SLC44A1: variants seen among roughly 807,000 people sequenced by gnomAD.
SLC44A1 encodes solute carrier family 44 member 1.
A neutral mutation model predicts 79.3 loss-of-function variants in SLC44A1; 26 were observed. That is an observed-to-expected ratio of 0.33 (90% CI 0.24 to 0.46). SLC44A1 has a LOEUF of 0.46. Among genes scored for constraint, SLC44A1 ranks in the 20% least tolerant of loss-of-function variants. The probability of loss-of-function intolerance (pLI) is 1.00; values close to 1 mark genes in which losing one functional copy is unlikely to be tolerated. For missense variants in SLC44A1, 688 were observed against 798.1 expected, an observed-to-expected ratio of 0.86 and a Z score of 1.66; for synonymous variants, 263 against 286.2, an observed-to-expected ratio of 0.92 and a Z score of 0.82.
downstream of SLC44A1, among the ~76,000 whole-genome samples, chr9:105,400,143 C>T (rs374076392): frequency 4.6e-5 from 7 of 151,850 alleles, no homozygotes; most frequent in South Asian, 2.1e-4. Context: ...TGCGGTGAGC[C>T]GAGATCGTGC....
intron 1 of SLC44A1, among the ~76,000 whole-genome samples, chr9:105,262,862 A>T (rs1185418805): frequency 6.6e-6 from 1 of 152,194 alleles, no homozygotes; most frequent in Admixed American, 6.5e-5. Context: ...TATGCTCTTT[A>T]AGTTTTTAAA....
chr9:105,256,556 C>T (rs907748337), intron 1 of SLC44A1, among the ~76,000 whole-genome samples: 1 of 148,614 alleles, frequency 6.7e-6, no homozygotes, highest in African/African-American at 2.5e-5. Flanking sequence ...TACAAAATGG[C>T]TGGAAACTCT....
chr9:105,282,403 T>C (rs1475121529), intron 1 of SLC44A1, among the ~76,000 whole-genome samples: 1 of 152,202 alleles, frequency 6.6e-6, no homozygotes, highest in Non-Finnish European at 1.5e-5. Context: ...TATGTTTTCT[T>C]GTGAATGTTT....
chr9:105,389,952 A>G lies in SLC44A1; in HGVS notation c.*896A>G. On this transcript the variant is annotated 3_prime_UTR_variant, in exon 16 of 16. Coordinates refer to ENST00000374720, the MANE Select transcript of SLC44A1 (RefSeq NM_080546.5). ...AAGAAGGGACAGAAACATGGAACAT[A>G]AAGCATTGAAAATTCCGGTGCTTGG... 4 of 1,492,996 alleles carry G rather than the reference A, an allele frequency of 2.7e-6. No homozygotes were observed. The highest frequency in any genetic ancestry group is 3.6e-6 in the Non-Finnish European group (4 of 1,123,700). The allele number at this position is 1,492,996 out of a possible 1,614,324, so 92.5% of individuals were successfully genotyped here.
At chr9:105,290,732 T>C (rs1588740585) in intron 1 of SLC44A1, among the ~76,000 whole-genome samples, 1 of 152,236 alleles carries the variant, frequency 6.6e-6, no homozygotes, top group East Asian at 1.9e-4. Flanking sequence ...CTGTGATCTT[T>C]CTATCACTAT....
intron 1 of SLC44A1, among the ~76,000 whole-genome samples, chr9:105,261,555 C>T (rs982974814): frequency 2.0e-4 from 30 of 152,178 alleles, no homozygotes; most frequent in African/African-American, 6.3e-4. Flanking sequence ...ATAAAAGAAC[C>T]GAGAATATCG....
intron 1 of SLC44A1, among the ~76,000 whole-genome samples, chr9:105,287,509 A>G (rs1316052700): frequency 6.6e-6 from 1 of 152,176 alleles, no homozygotes; most frequent in Non-Finnish European, 1.5e-5. Flanking sequence ...TTTGAGATGA[A>G]TATTTGTGGG....
chr9:105,377,390 C>T (rs1468162573), intron 13 of SLC44A1, among the ~76,000 whole-genome samples: 1 of 152,036 alleles, frequency 6.6e-6, no homozygotes. Context: ...ATTCCAAACC[C>T]CTACCCCACT....
chr9:105,354,029 A>ACAGTTAAT (rs909274151), intron 5 of SLC44A1, among the ~76,000 whole-genome samples: 1 of 139,146 alleles, frequency 7.2e-6, no homozygotes, highest in Non-Finnish European at 1.5e-5. Flanking sequence ...TTAGAAATTT[A>ACAGTTAAT]CAGTTAATCC....
At chr9:105,254,994 G>A (rs1358886005) in intron 1 of SLC44A1, among the ~76,000 whole-genome samples, 1 of 151,302 alleles carries the variant, frequency 6.6e-6, no homozygotes, top group Non-Finnish European at 1.5e-5. Flanking sequence ...TCCACCTCCA[G>A]CTGATACACT....
chr9:105,395,242 C>G lies in SLC44A1; in HGVS notation c.*6186C>G. On this transcript the variant is annotated 3_prime_UTR_variant, in exon 16 of 16. Coordinates refer to ENST00000374720, the MANE Select transcript of SLC44A1 (RefSeq NM_080546.5). The stretch of plus-strand genomic sequence containing the variant: ...GTTTGTTTTTGGTGTTTTTTTGAGA[C>G]GGAGTCTCGCTCTATCGCCAGCTTA... The G allele has an allele frequency of 1.1e-6, 1 of 947,210 alleles. No homozygotes were observed. Among genetic ancestry groups the G allele is most frequent in the Non-Finnish European group, 1.3e-6 (1 of 795,378 alleles). The allele number at this position is 947,210 out of a possible 1,614,324, so 58.7% of individuals were successfully genotyped here.
intron 1 of SLC44A1, among the ~76,000 whole-genome samples, chr9:105,295,594 T>C (rs1229027620): frequency 9.9e-5 from 15 of 152,218 alleles, no homozygotes; most frequent in Non-Finnish European, 1.5e-5. Flanking sequence ...TCATAACACA[T>C]CTCACTTGCT....
At chr9:105,324,472 C>G (rs1179109728) in intron 3 of SLC44A1, among the ~76,000 whole-genome samples, 17 of 152,108 alleles carry the variant, frequency 1.1e-4, no homozygotes. Flanking sequence ...AGGCTGGTCT[C>G]AAACTCCTGG....
intron 2 of SLC44A1, among the ~76,000 whole-genome samples, chr9:105,301,827 T>C (rs576754885): frequency 6.6e-6 from 1 of 152,350 alleles, no homozygotes; most frequent in East Asian, 1.9e-4. Context: ...GGCTATGTCC[T>C]TTTAATCGAG....
intron 15 of SLC44A1, among the ~76,000 whole-genome samples, chr9:105,416,687 G>A (rs1399148466): frequency 6.6e-6 from 1 of 152,204 alleles, no homozygotes; most frequent in Admixed American, 6.5e-5. Flanking sequence ...TAAAGTGTGA[G>A]GCTGGAAATG....
Position 105,394,356 on chromosome 9 carries a change from G to C in SLC44A1, c.*5300G>C. 1.0e-6 allele frequency: 1 copy of C among 985,112 alleles called. No individual in the cohort carries two copies. The highest frequency in any genetic ancestry group is 1.2e-6 in the Non-Finnish European group (1 of 829,906). 61.0% of individuals were successfully genotyped at this position (985,112 alleles called of 1,614,324 possible). A position where few individuals can be genotyped will look rare whatever the true frequency, so the allele number is the denominator to read the frequency against. ...CCACACTAATCTGAAGGAATAACAA[G>C]ATGATCAACACTGAATCTTCATGAC... is the stretch of plus-strand genomic sequence containing the variant. On this transcript the variant is annotated 3_prime_UTR_variant, in exon 16 of 16. Transcript: ENST00000374720.
intron 1 of SLC44A1, among the ~76,000 whole-genome samples, chr9:105,271,339 T>C (rs1313995780): frequency 1.3e-5 from 2 of 152,226 alleles, no homozygotes; most frequent in Non-Finnish European, 2.9e-5. Context: ...ACAGAATCTT[T>C]CATTCCTCTC....
At chr9:105,248,856 A>G (rs950554657) in intron 1 of SLC44A1, among the ~76,000 whole-genome samples, 1 of 152,264 alleles carries the variant, frequency 6.6e-6, no homozygotes, top group East Asian at 1.9e-4. Context: ...TCCCATTGAC[A>G]AACCAGTTTG....
intron 15 of SLC44A1, among the ~76,000 whole-genome samples, chr9:105,413,603 T>C (rs1829126948): frequency 6.6e-6 from 1 of 152,250 alleles, no homozygotes; most frequent in Admixed American, 6.5e-5. Flanking sequence ...TGATGTCTTC[T>C]GGGCTTACTG....
Sources: gnomAD v4.1 joint callset for allele counts (sites outside exome capture counted in the v4.1 genomes callset) on GRCh38, gnomAD v4.1.1 for gene constraint, MANE v1.5 for transcripts, NCBI Gene and HGNC (gene_info 2026-07-23, HGNC 2026-07-21) for gene names.